Variants in ATP2B2 observed in about 807,000 individuals in gnomAD.
ATP2B2 encodes ATPase plasma membrane Ca2+ transporting 2, also known as plasma membrane calcium-transporting ATPase 2.
Under a neutral mutation model 120.0 loss-of-function variants are expected in ATP2B2, and 15 were observed. That is an observed-to-expected ratio of 0.12 (90% CI 0.08 to 0.19). ATP2B2 has a LOEUF of 0.19. Ranked by LOEUF, ATP2B2 falls within the 10% of genes least tolerant of loss-of-function variation. The pLI is 1.00. For missense variants in ATP2B2, 1,045 were observed against 1,719.8 expected, an observed-to-expected ratio of 0.61 and a Z score of 6.94; for synonymous variants, 694 against 700.3, an observed-to-expected ratio of 0.99 and a Z score of 0.14.
chr3:10,703,095 G>A (rs942877467), intron 1 of ATP2B2, among the ~76,000 whole-genome samples: 5 of 152,150 alleles, frequency 3.3e-5, no homozygotes, highest in Admixed American at 2.6e-4. Flanking sequence ...AACATCCCCA[G>A]TCCTCCGTCA....
intron 5 of ATP2B2, among the ~76,000 whole-genome samples, chr3:10,397,080 T>TGA (rs2062062834): frequency 6.6e-6 from 1 of 152,226 alleles, no homozygotes; most frequent in African/African-American, 2.4e-5. Context: ...GCCATGTGCC[T>TGA]GAGGCCACAC....
chr3:10,624,372 C>T (rs2069634641), intron 1 of ATP2B2, among the ~76,000 whole-genome samples: 1 of 152,172 alleles, frequency 6.6e-6, no homozygotes, highest in African/African-American at 2.4e-5. Flanking sequence ...CCTCTTCCAG[C>T]TCTCAGGACA....
At chr3:10,615,252 G>T (rs1327594449) in intron 2 of ATP2B2, among the ~76,000 whole-genome samples, 1 of 152,206 alleles carries the variant, frequency 6.6e-6, no homozygotes, top group Non-Finnish European at 1.5e-5. Flanking sequence ...CTGCTGCCAT[G>T]GGGTGGGTGA....
intron 1 of ATP2B2, among the ~76,000 whole-genome samples, chr3:10,632,243 C>T (rs765670736): frequency 6.6e-6 from 1 of 152,190 alleles, no homozygotes; most frequent in Non-Finnish European, 1.5e-5. Context: ...CTGGATCTCA[C>T]ACTCCCTATA....
In ATP2B2 at chr3:10,482,712, C is replaced by G. The variant is rs530883544; in HGVS notation, c.-320+22753G>C. On this transcript the variant is annotated intron_variant, in intron 1 of 22. Transcript: ENST00000360273. ...TCACAGCTGCCTTCTCAGCTGGGCC[C>G]CACCTGAGCCTTCTGACTGAGAGTG... Among the ~76,000 whole-genome samples the G allele has an allele frequency of 4.7e-4, 72 of 152,344 alleles. 1 individual carries two copies. The highest frequency in any genetic ancestry group is 7.9e-4 in the Non-Finnish European group (54 of 68,024).
At chr3:10,700,761 C>T (rs2071804587) in intron 1 of ATP2B2, among the ~76,000 whole-genome samples, 1 of 152,248 alleles carries the variant, frequency 6.6e-6, no homozygotes, top group Non-Finnish European at 1.5e-5. Flanking sequence ...AGGCTTACTT[C>T]TCACTGATGC....
chr3:10,439,075 G>C (rs777032076), intron 2 of ATP2B2, among the ~76,000 whole-genome samples: 4 of 152,250 alleles, frequency 2.6e-5, no homozygotes, highest in Non-Finnish European at 4.4e-5. Flanking sequence ...AAAGGGCCAA[G>C]GGCCAAGGGC....
intron 22 of ATP2B2, among the ~76,000 whole-genome samples, chr3:10,335,941 GT>G (rs1428532992): frequency 6.6e-6 from 1 of 152,184 alleles, no homozygotes; most frequent in Non-Finnish European, 1.5e-5. Context: ...GGTCCACTGA[GT>G]GACTGCCACC....
intron 2 of ATP2B2, among the ~76,000 whole-genome samples, chr3:10,563,254 C>G (rs1410647728): frequency 6.6e-6 from 1 of 152,120 alleles, no homozygotes; most frequent in Admixed American, 6.5e-5. Context: ...AAACTGAAGC[C>G]CAGAGGGGTT....
chr3:10,479,762 AAG>A (rs1335205762), intron 1 of ATP2B2, among the ~76,000 whole-genome samples: 1 of 152,132 alleles, frequency 6.6e-6, no homozygotes, highest in East Asian at 1.9e-4. Context: ...GGAGGAAAGG[AAG>A]AGAGAGAGGG....
intron 2 of ATP2B2, among the ~76,000 whole-genome samples, chr3:10,574,584 A>G (rs748839342): frequency 3.3e-5 from 5 of 152,140 alleles, no homozygotes; most frequent in Non-Finnish European, 7.4e-5. Flanking sequence ...TTGGGTAATT[A>G]TTAGTTTCTT....
intron 3 of ATP2B2, among the ~76,000 whole-genome samples, chr3:10,408,426 AG>A (rs1179504087): frequency 2.6e-5 from 4 of 152,186 alleles, no homozygotes; most frequent in Non-Finnish European, 5.9e-5. Flanking sequence ...GAAACATGGA[AG>A]GCCCAGAGCT....
intron 1 of ATP2B2, among the ~76,000 whole-genome samples, chr3:10,683,766 A>ATGTG (rs2071446146): frequency 4.5e-5 from 2 of 44,544 alleles, no homozygotes; most frequent in African/African-American, 2.9e-4. Context: ...GTGTGTATAT[A>ATGTG]TATATATATA....
chr3:10,606,026 G>A (rs182381489), intron 2 of ATP2B2, among the ~76,000 whole-genome samples: 25 of 152,226 alleles, frequency 1.6e-4, no homozygotes, highest in Non-Finnish European at 2.8e-4. Flanking sequence ...GCTGAGATGG[G>A]AGGTTTGCTT....
In ATP2B2 at chr3:10,449,398, G is replaced by A. The variant is rs777369218; in HGVS notation, c.146C>T (p.Thr49Ile). The A allele has an allele frequency of 6.2e-6, 10 of 1,614,228 alleles. No individual in the cohort carries two copies. Among genetic ancestry groups the A allele is most frequent in the Middle Eastern group, 1.6e-4 (1 of 6,062 alleles). ...GCAGATGGCTTCGGTGTCCCCATAA[G>A]TCTCCTTGATCTTGACCACAGCCTC... ...GTEAVVKIKE[T>I]YGDTEAICRR... Residue 49 changes from threonine to isoleucine, a missense_variant, in exon 2 of 23, where the codon ACT (threonine) becomes ATT (isoleucine). Thr to Ile is a moderately conservative substitution (Grantham distance 89). Around this residue, in one of 11 missense-constraint regions of ATP2B2, gnomAD observed 139 missense variants for 134.2 expected, o/e 1.04. Coordinates refer to ENST00000360273, the MANE Select transcript of ATP2B2 (RefSeq NM_001001331.4).
chr3:10,344,033 A>T (rs1186569081), intron 18 of ATP2B2, among the ~76,000 whole-genome samples: 1 of 149,404 alleles, frequency 6.7e-6, no homozygotes, highest in Non-Finnish European at 1.5e-5. Context: ...TCCACTCATC[A>T]CCTCCCAGGT....
Position 10,328,775 on chromosome 3 carries a change from G to C in ATP2B2, c.*39C>G, listed in dbSNP as rs756263213. On this transcript the variant is annotated 3_prime_UTR_variant, in exon 23 of 23. Coordinates refer to ENST00000360273, the MANE Select transcript of ATP2B2 (RefSeq NM_001001331.4). Reference sequence around the variant, plus strand: ...GTGCCCGGAAAGCGGGTGGCAGCGGGGTCCATGAGGGCGGGCGGGCAGGCG... The same window carrying C: ...GTGCCCGGAAAGCGGGTGGCAGCGGCGTCCATGAGGGCGGGCGGGCAGGCG... 3 of 1,564,826 alleles carry C rather than the reference G, an allele frequency of 1.9e-6. No homozygotes were observed. The highest frequency in any genetic ancestry group is 2.6e-6 in the Non-Finnish European group (3 of 1,150,806).
intron 12 of ATP2B2, among the ~76,000 whole-genome samples, chr3:10,362,750 G>A (rs1344146917): frequency 6.6e-6 from 1 of 152,204 alleles, no homozygotes; most frequent in Non-Finnish European, 1.5e-5. Flanking sequence ...TTACTAAGAA[G>A]CAGAGGAATA....
chr3:10,422,966 A>G (rs1023443700), intron 2 of ATP2B2, among the ~76,000 whole-genome samples: 2 of 152,128 alleles, frequency 1.3e-5, no homozygotes, highest in Non-Finnish European at 2.9e-5. Context: ...ATGGGCAGGG[A>G]AGTGGGTGTG....
Sources: gnomAD v4.1 joint callset for allele counts (sites outside exome capture counted in the v4.1 genomes callset) on GRCh38, gnomAD v4.1.1 for gene constraint, gnomAD v4.1.1 regional missense constraint, MANE v1.5 for transcripts, NCBI Gene and HGNC (gene_info 2026-07-23, HGNC 2026-07-21) for gene names.